ANO3: variants seen among roughly 807,000 people sequenced by gnomAD.
ANO3 encodes the protein anoctamin-3.
In ANO3, 99 loss-of-function variants were observed where a neutral mutation model predicts 144.8. The observed-to-expected ratio is 0.68, with a 90% CI of 0.58 to 0.81. The LOEUF is 0.81. Among genes scored for constraint, ANO3 ranks in the 30% least tolerant of loss-of-function variants. The pLI, the probability that ANO3 is intolerant of heterozygous loss-of-function variation, is 0.00. For missense variants in ANO3, 905 were observed against 1,202.2 expected, an observed-to-expected ratio of 0.75 and a Z score of 3.66; for synonymous variants, 414 against 392.6, an observed-to-expected ratio of 1.05 and a Z score of -0.64.
chr11:26,425,038 C>A (rs533758571), intron 1 of ANO3, among the ~76,000 whole-genome samples: 23 of 151,886 alleles, frequency 1.5e-4, no homozygotes, highest in Non-Finnish European at 2.5e-4. Flanking sequence ...CCCTCCCCCC[C>A]ACCCCACAAG....
intron 1 of ANO3, among the ~76,000 whole-genome samples, chr11:26,408,452 A>G (rs1002099849): frequency 2.0e-5 from 3 of 151,530 alleles, no homozygotes; most frequent in African/African-American, 7.2e-5. Flanking sequence ...TTAGAATGGC[A>G]ATCATTAAAA....
intron 1 of ANO3, among the ~76,000 whole-genome samples, chr11:26,302,270 G>A (rs967991815): frequency 1.3e-5 from 2 of 152,202 alleles, no homozygotes; most frequent in African/African-American, 4.8e-5. Context: ...GCCGAGGCAG[G>A]TGGATCACGA....
intron 1 of ANO3, among the ~76,000 whole-genome samples, chr11:26,363,445 G>A (rs1278472100): frequency 6.6e-6 from 1 of 152,104 alleles, no homozygotes; most frequent in East Asian, 1.9e-4. Context: ...ACGTGCAGAT[G>A]CCTCTTGTCT....
At chr11:26,327,649 A>T (rs1390812730), upstream of ANO3, among the ~76,000 whole-genome samples, 2 of 152,332 alleles carry the variant, frequency 1.3e-5, no homozygotes, top group East Asian at 3.9e-4. Context: ...AGCAGTGAAC[A>T]TGGACTTGAT....
At chr11:26,452,841 T>A (rs2134040808) in intron 3 of ANO3, among the ~76,000 whole-genome samples, 1 of 152,294 alleles carries the variant, frequency 6.6e-6, no homozygotes, top group African/African-American at 2.4e-5. Flanking sequence ...AAGGATGGGT[T>A]ACCTACAAAG....
intron 1 of ANO3, among the ~76,000 whole-genome samples, chr11:26,422,002 G>C (rs1227787225): frequency 6.6e-6 from 1 of 151,994 alleles, no homozygotes; most frequent in Admixed American, 6.6e-5. Flanking sequence ...ATGGGTACTA[G>C]GCTTAATAGC....
intron 1 of ANO3, among the ~76,000 whole-genome samples, chr11:26,270,175 A>G (rs769890462): frequency 3.3e-5 from 5 of 152,138 alleles, no homozygotes; most frequent in Non-Finnish European, 5.9e-5. Flanking sequence ...CTTCTCTTCC[A>G]TGATTAGGAA....
chr11:26,560,901 A>G, intron 14 of ANO3: 1 of 624,880 alleles, frequency 1.6e-6, no homozygotes, highest in Non-Finnish European at 2.6e-6. Context: ...AAACCTTTGG[A>G]TGATACATCC....
intron 1 of ANO3, among the ~76,000 whole-genome samples, chr11:26,220,388 G>C (rs948610669): frequency 3.3e-5 from 5 of 152,198 alleles, no homozygotes; most frequent in Admixed American, 2.0e-4. Flanking sequence ...ATGGATTGAA[G>C]AAGGATCACT....
intron 17 of ANO3, among the ~76,000 whole-genome samples, chr11:26,622,821 A>G (rs755874018): frequency 2.0e-5 from 3 of 152,218 alleles, no homozygotes; most frequent in Non-Finnish European, 4.4e-5. Context: ...GAATAATAAT[A>G]TACGTAAAGC....
intron 20 of ANO3, among the ~76,000 whole-genome samples, chr11:26,638,764 A>G (rs1034308644): frequency 6.6e-6 from 1 of 152,216 alleles, no homozygotes; most frequent in Non-Finnish European, 1.5e-5. Context: ...TAAAAAGGTT[A>G]TTAAAAACAA....
chr11:26,559,987 TA>T, intron 14 of ANO3: 1 of 424,618 alleles, frequency 2.4e-6, no homozygotes, highest in South Asian at 7.3e-5. Context: ...CTCTAATCTC[TA>T]AAACCTAGAC....
chr11:26,634,762 G>T (rs1262840063), intron 19 of ANO3, among the ~76,000 whole-genome samples: 1 of 152,156 alleles, frequency 6.6e-6, no homozygotes, highest in East Asian at 1.9e-4. Flanking sequence ...AAAACGTTAA[G>T]ACTCTCTATG....
chr11:26,214,400 G>A (rs753079431), intron 1 of ANO3, among the ~76,000 whole-genome samples: 3 of 151,796 alleles, frequency 2.0e-5, no homozygotes, highest in Non-Finnish European at 4.4e-5. Context: ...TAAAGAACTA[G>A]GGTTGGATTT....
At chr11:26,225,929 TAC>T (rs1852247606) in intron 1 of ANO3, among the ~76,000 whole-genome samples, 1 of 152,160 alleles carries the variant, frequency 6.6e-6, no homozygotes, top group South Asian at 2.1e-4. Flanking sequence ...TATACATTAG[TAC>T]TCATACATTA....
intron 1 of ANO3, among the ~76,000 whole-genome samples, chr11:26,301,477 GA>G (rs746072763): frequency 1.3e-5 from 2 of 152,164 alleles, no homozygotes; most frequent in Non-Finnish European, 2.9e-5. Context: ...GCCACTCACT[GA>G]ACACCTTTGT....
chr11:26,487,873 G>A (rs1860523506), intron 4 of ANO3, among the ~76,000 whole-genome samples: 1 of 152,184 alleles, frequency 6.6e-6, no homozygotes, highest in Non-Finnish European at 1.5e-5. Flanking sequence ...GCTATTAAAA[G>A]CATCACATTT....
chr11:26,648,736 G>T (rs1012438779), intron 24 of ANO3, among the ~76,000 whole-genome samples: 10 of 152,310 alleles, frequency 6.6e-5, no homozygotes, highest in African/African-American at 2.4e-4. Flanking sequence ...GGAGGCACAT[G>T]AAACAGAGCT....
chr11:26,266,931 G>GA (rs369595681), intron 1 of ANO3, among the ~76,000 whole-genome samples: 171 of 142,632 alleles, frequency 1.2e-3, no homozygotes, highest in Admixed American at 1.5e-3. Flanking sequence ...AATACAAAAA[G>GA]AAAAAAAAAA....
Sources: gnomAD v4.1 joint callset for allele counts (sites outside exome capture counted in the v4.1 genomes callset) on GRCh38, gnomAD v4.1.1 for gene constraint, MANE v1.5 for transcripts, NCBI Gene and HGNC (gene_info 2026-07-23, HGNC 2026-07-21) for gene names.